The following PIK3C3 variants were observed in gnomAD, a reference collection of about 807,000 sequenced individuals.
PIK3C3 encodes phosphatidylinositol 3-kinase catalytic subunit type 3.
A neutral mutation model predicts 126.1 loss-of-function variants in PIK3C3; 95 were observed. The observed-to-expected ratio is 0.75, with a 90% CI of 0.64 to 0.89. The LOEUF (loss-of-function observed/expected upper bound fraction) is 0.89, where lower values mean the gene tolerates loss of function less well. Among genes scored for constraint, PIK3C3 ranks in the 40% least tolerant of loss-of-function variants. The pLI is 0.00. For missense variants in PIK3C3, 829 were observed against 1,063.2 expected, an observed-to-expected ratio of 0.78 and a Z score of 3.06; for synonymous variants, 374 against 360.0, an observed-to-expected ratio of 1.04 and a Z score of -0.44.
intron 3 of PIK3C3, among the ~76,000 whole-genome samples, chr18:41,969,591 T>G (rs1325772262): frequency 6.6e-6 from 1 of 152,222 alleles, no homozygotes; most frequent in Non-Finnish European, 1.5e-5. Context: ...ATGGGAAATG[T>G]TTTTGTATGA....
chr18:41,994,669 AT>A (rs1981942769), intron 7 of PIK3C3, among the ~76,000 whole-genome samples: 1 of 152,168 alleles, frequency 6.6e-6, no homozygotes, highest in Admixed American at 6.6e-5. Context: ...TTGGAAAAAA[AT>A]AATAAAATTA....
At chr18:42,025,026 A>ATGGTCT in intron 13 of PIK3C3, among the ~76,000 whole-genome samples, 1 of 151,674 alleles carries the variant, frequency 6.6e-6, no homozygotes, top group East Asian at 2.0e-4. Flanking sequence ...GTTAGCCAGG[A>ATGGTCT]TGGTCTCGAT....
intron 17 of PIK3C3, 108 bp downstream of exon 17, chr18:42,037,928 A>G: frequency 9.5e-7 from 1 of 1,049,914 alleles, no homozygotes; most frequent in Non-Finnish European, 1.4e-6. Flanking sequence ...TTCAGGTACG[A>G]TCCTAGAAAG....
intron 12 of PIK3C3, among the ~76,000 whole-genome samples, chr18:42,016,246 T>C (rs1221873862): frequency 6.6e-6 from 1 of 152,196 alleles, no homozygotes; most frequent in Non-Finnish European, 1.5e-5. Flanking sequence ...ATCTTTTAAC[T>C]ATTAGCTATT....
chr18:42,008,535 A>G (rs1478547665), intron 10 of PIK3C3, among the ~76,000 whole-genome samples: 1 of 152,138 alleles, frequency 6.6e-6, no homozygotes, highest in Non-Finnish European at 1.5e-5. Flanking sequence ...GGAAGTCACT[A>G]AGTGATTTTG....
intron 4 of PIK3C3, among the ~76,000 whole-genome samples, chr18:41,985,381 G>A (rs1433021079): frequency 6.6e-6 from 1 of 152,100 alleles, no homozygotes. Flanking sequence ...CATAAAATTA[G>A]CTCAAAGAAA....
chr18:42,009,926 A>G (rs1163110129), intron 10 of PIK3C3, among the ~76,000 whole-genome samples: 1 of 152,160 alleles, frequency 6.6e-6, no homozygotes, highest in Non-Finnish European at 1.5e-5. Flanking sequence ...GATCAGGGTG[A>G]TGGTTGCAGA....
In PIK3C3 at chr18:41,996,540, A is replaced by G. The variant is rs532950351; in HGVS notation, c.892-98A>G. On this transcript the variant is annotated intron_variant, in intron 8 of 24. Transcript: ENST00000262039. ...TCCTTGCTTGTGTAATAATTGTAGT[A>G]TAGAATTATTTAAATAAATGAAAAA... 1.9e-5 allele frequency: 10 copies of G among 537,660 alleles called. No individual in the cohort carries two copies. The East Asian group carries it at 2.6e-4, about 14-fold the overall frequency. 33.3% of individuals were successfully genotyped at this position (537,660 alleles called of 1,614,324 possible). A position where few individuals can be genotyped will look rare whatever the true frequency, so the allele number is the denominator to read the frequency against.
chr18:42,062,208 C>T (rs917364885), intron 22 of PIK3C3, among the ~76,000 whole-genome samples: 3 of 151,096 alleles, frequency 2.0e-5, no homozygotes, highest in South Asian at 2.1e-4. Flanking sequence ...AAACAGAGTA[C>T]GAATGATGGA....
chr18:42,081,266 C>T lies in PIK3C3; in HGVS notation c.*129C>T. 1.7e-6 allele frequency: 1 copy of T among 585,340 alleles called. No individual in the cohort carries two copies. 36.3% of individuals were successfully genotyped at this position (585,340 alleles called of 1,614,324 possible). On this transcript the variant is annotated 3_prime_UTR_variant, in exon 25 of 25. Coordinates refer to ENST00000262039, the MANE Select transcript of PIK3C3 (RefSeq NM_002647.4). ...CTTAATCTTCAAGTTACCATATTTT[C>T]CAAATATTACATGGTACCTGAGTTC...
intron 10 of PIK3C3, among the ~76,000 whole-genome samples, chr18:42,010,429 G>A (rs1263006634): frequency 6.6e-6 from 1 of 152,122 alleles, no homozygotes; most frequent in African/African-American, 2.4e-5. Context: ...GCAGTGGCAT[G>A]ATCTTGGCTT....
At chr18:42,016,806 T>C (rs142906328) in intron 12 of PIK3C3, among the ~76,000 whole-genome samples, 26 of 152,184 alleles carry the variant, frequency 1.7e-4, no homozygotes, top group South Asian at 6.2e-4. Flanking sequence ...ATATCAGTAG[T>C]GTAGGGCTTG....
At chr18:42,031,433 T>C (rs960976254) in intron 15 of PIK3C3, among the ~76,000 whole-genome samples, 2 of 152,204 alleles carry the variant, frequency 1.3e-5, no homozygotes, top group African/African-American at 4.8e-5. Flanking sequence ...TACTTTTTTT[T>C]TGAGACATAG....
Position 42,013,504 on chromosome 18 carries a change from A to G in PIK3C3, c.1233A>G (p.Ile411Met), listed in dbSNP as rs773156016. The G allele has an allele frequency of 2.5e-6, 4 of 1,593,518 alleles. No individual in the cohort carries two copies. Among genetic ancestry groups the G allele is most frequent in the East Asian group, 2.3e-5 (1 of 44,178 alleles). The change falls in exon 11 of 25, where the codon ATA (isoleucine) becomes ATG (methionine). Residue 411 changes from isoleucine (I) to methionine (M), a missense_variant. By Grantham distance (10) the Ile-to-Met change is conservative. This residue lies in a region of PIK3C3 where 256 missense variants were observed against 291.0 expected (regional missense o/e 0.88). Coordinates refer to ENST00000262039, the MANE Select transcript of PIK3C3 (RefSeq NM_002647.4). Reference sequence around the variant, plus strand: ...TCAAATATGAAAATTTTGATGATATAAAGAATGGATTGGAACCTACCAAGA... The same window carrying G: ...TCAAATATGAAAATTTTGATGATATGAAGAATGGATTGGAACCTACCAAGA... ...QALKYENFDDIKNGLEPTKKD... is the reference protein window; with the variant it reads ...QALKYENFDDMKNGLEPTKKD...
chr18:42,040,611 CA>C (rs1375385321), intron 18 of PIK3C3, 65 bp from the exon 19 acceptor site: 3 of 1,091,256 alleles, frequency 2.7e-6, no homozygotes, highest in African/African-American at 1.6e-5. Context: ...TTATTCTTAG[CA>C]GAACCTTTAT....
intron 7 of PIK3C3, 42 bp downstream of exon 7, chr18:41,993,383 A>C (rs1430424543): frequency 7.6e-7 from 1 of 1,317,088 alleles, no homozygotes; most frequent in East Asian, 2.3e-5. Context: ...ACTTTTCTTC[A>C]GAGTAATTGT....
intron 3 of PIK3C3, among the ~76,000 whole-genome samples, chr18:41,969,331 T>C (rs1033166315): frequency 6.6e-6 from 1 of 152,202 alleles, no homozygotes; most frequent in Non-Finnish European, 1.5e-5. Context: ...AAAATATTTT[T>C]TTGAAAAGAA....
At position 42,086,686 on chromosome 18, in the gene PIK3C3, TAAC is replaced by T. The variant is rs138605936; in HGVS notation, c.*5554_*5556del. The stretch of plus-strand genomic sequence containing the variant: ...GCACCATGACAGTTTACAAATGCCA[TAAC>T]AACATCAGGAAGTTACCCTATATGG... On this transcript the variant is annotated 3_prime_UTR_variant, in exon 25 of 25. Transcript: ENST00000262039. 0.049 allele frequency: 7,427 copies of T among 152,284 alleles called. 266 individuals are homozygous for T. Among genetic ancestry groups the T allele is most frequent in the Non-Finnish European group, 0.076 (5,140 of 68,024 alleles). 9.4% of individuals were successfully genotyped at this position (152,284 alleles called of 1,614,324 possible). A position where few individuals can be genotyped will look rare whatever the true frequency, so the allele number is the denominator to read the frequency against.
intron 12 of PIK3C3, among the ~76,000 whole-genome samples, chr18:42,019,600 CT>C (rs1021319320): frequency 6.6e-6 from 1 of 151,896 alleles, no homozygotes; most frequent in African/African-American, 2.4e-5. Flanking sequence ...TTTGTCAGCA[CT>C]TTCCTCTCTC....
Sources: gnomAD v4.1 joint callset for allele counts (sites outside exome capture counted in the v4.1 genomes callset) on GRCh38, gnomAD v4.1.1 for gene constraint, gnomAD v4.1.1 regional missense constraint, MANE v1.5 for transcripts, NCBI Gene and HGNC (gene_info 2026-07-23, HGNC 2026-07-21) for gene names.